Variants in IL1RAPL1 observed in about 807,000 individuals in gnomAD.
IL1RAPL1 encodes interleukin 1 receptor accessory protein like 1.
IL1RAPL1 carries 3 observed loss-of-function variants against 48.4 expected under a neutral mutation model. That is an observed-to-expected ratio of 0.06 (90% confidence interval 0.03 to 0.16). The LOEUF is 0.16. Ranked by LOEUF, IL1RAPL1 falls within the 10% of genes least tolerant of loss-of-function variation. IL1RAPL1 has a pLI of 1.00. For synonymous variants in IL1RAPL1, 185 were observed against 187.7 expected, an observed-to-expected ratio of 0.99 and a Z score of 0.12; for missense variants, 349 against 530.6, an observed-to-expected ratio of 0.66 and a Z score of 3.36.
At chrX:29,912,924 C>T (rs1932768503) in intron 6 of IL1RAPL1, among the ~76,000 whole-genome samples, 1 of 111,949 alleles carries the variant, frequency 8.9e-6, no homozygotes, top group South Asian at 3.7e-4. Context: ...CTCCACCCTG[C>T]TCCATGAATT....
intron 5 of IL1RAPL1, among the ~76,000 whole-genome samples, chrX:29,611,362 C>T (rs747274956): frequency 3.6e-5 from 4 of 112,070 alleles, no homozygotes; most frequent in African/African-American, 9.7e-5. Flanking sequence ...TAAACTCAAC[C>T]AATTGTCATT....
At chrX:28,913,656 A>T (rs191321726) in intron 2 of IL1RAPL1, among the ~76,000 whole-genome samples, 51 of 111,443 alleles carry the variant, frequency 4.6e-4, no homozygotes, top group African/African-American at 1.6e-3. Context: ...GCATCATTGC[A>T]CTCCAGCCTG....
chrX:29,147,126 A>G (rs745868511), intron 2 of IL1RAPL1, among the ~76,000 whole-genome samples: 1 of 112,324 alleles, frequency 8.9e-6, no homozygotes, highest in Non-Finnish European at 1.9e-5. Context: ...CCTTCCCATA[A>G]GCAGACCTGC....
intron 5 of IL1RAPL1, among the ~76,000 whole-genome samples, chrX:29,404,834 C>T (rs1482140206): frequency 8.9e-6 from 1 of 111,953 alleles, no homozygotes; most frequent in Non-Finnish European, 1.9e-5. Context: ...CCTTAGTTTT[C>T]ATTTATCAGA....
At chrX:29,407,789 T>G (rs1018335635) in intron 5 of IL1RAPL1, among the ~76,000 whole-genome samples, 1 of 112,057 alleles carries the variant, frequency 8.9e-6, no homozygotes, top group African/African-American at 3.2e-5. Context: ...CCAAAGAAAG[T>G]TGGAGGTGCC....
At position 29,044,630 on chromosome X, in the gene IL1RAPL1, A is replaced by C. The variant is rs545026452; in HGVS notation, c.83-238308A>C. On this transcript the variant is annotated intron_variant, in intron 2 of 10. Transcript: ENST00000378993. ...ATGTTCTTTTGTATTTGCAGATCTT[A>C]TTTCTTCAGAGTAATGGAAAATCCT... is the stretch of plus-strand genomic sequence containing the variant. 1.3e-4 allele frequency among the ~76,000 whole-genome samples: 14 copies of C among 110,735 alleles called. No homozygotes were observed. The Admixed American group carries it at 1.4e-3, about 11-fold the overall frequency.
chrX:29,130,388 C>T (rs1055662541), intron 2 of IL1RAPL1, among the ~76,000 whole-genome samples: 1 of 111,562 alleles, frequency 9.0e-6, no homozygotes, highest in South Asian at 3.7e-4. Flanking sequence ...TATGTTGATC[C>T]GATGACAAAG....
At chrX:29,326,534 G>A (rs7054274) in intron 3 of IL1RAPL1, among the ~76,000 whole-genome samples, 4,216 of 111,823 alleles carry the variant, frequency 0.038, 167 homozygotes, top group African/African-American at 0.12. Context: ...AATAATACCT[G>A]AAAAAGTAAT....
chrX:29,916,660 G>A (rs1334245655), intron 6 of IL1RAPL1, among the ~76,000 whole-genome samples: 2 of 111,606 alleles, frequency 1.8e-5, no homozygotes, highest in Non-Finnish European at 1.9e-5. Context: ...GAGTAAACCA[G>A]GTGCTTGTAA....
intron 8 of IL1RAPL1, among the ~76,000 whole-genome samples, chrX:29,925,871 C>G (rs749470432): frequency 7.1e-5 from 8 of 112,372 alleles, no homozygotes; most frequent in Non-Finnish European, 1.5e-4. Context: ...GATATTCCAA[C>G]AAGGCTATTG....
At position 29,668,476 on chromosome X, in the gene IL1RAPL1, T is replaced by G. The variant is rs1402973430; in HGVS notation, c.750T>G (p.Ser250Arg). 1 of 1,208,430 alleles carries G rather than the reference T, an allele frequency of 8.3e-7. No homozygotes were observed. The highest frequency in any genetic ancestry group is 1.1e-6 in the Non-Finnish European group (1 of 892,483). ...KPPKLLYPME[S>R]KLTIQETQLG... Reference sequence around the variant, plus strand: ...CCAAGCTTTTGTATCCTATGGAAAGTAAACTGACAATTCAGGAGACCCAGC... The same window carrying G: ...CCAAGCTTTTGTATCCTATGGAAAGGAAACTGACAATTCAGGAGACCCAGC... The change falls in exon 6 of 11, where the codon AGT (serine) becomes AGG (arginine). Residue 250 changes from serine (S) to arginine (R), a missense_variant. This residue lies in a region of IL1RAPL1 where 238 missense variants were observed against 337.8 expected (regional missense o/e 0.70). Transcript: ENST00000378993.
intron 1 of IL1RAPL1, among the ~76,000 whole-genome samples, chrX:28,611,742 T>G (rs1387048646): frequency 1.8e-5 from 2 of 112,985 alleles, no homozygotes; most frequent in Non-Finnish European, 3.7e-5. Flanking sequence ...GTTTTAATTT[T>G]GTTTCTTGGT....
At chrX:28,925,149 G>T (rs181085059) in intron 2 of IL1RAPL1, among the ~76,000 whole-genome samples, 1 of 111,314 alleles carries the variant, frequency 9.0e-6, no homozygotes, top group South Asian at 3.7e-4. Context: ...AATTTTTATC[G>T]CATTTTAAGT....
At chrX:28,813,568 A>G (rs1273062025) in intron 2 of IL1RAPL1, among the ~76,000 whole-genome samples, 2 of 111,151 alleles carry the variant, frequency 1.8e-5, no homozygotes, top group African/African-American at 6.5e-5. Flanking sequence ...AATGTGACTC[A>G]GGTCATATAT....
chrX:29,678,447 C>T (rs1243724407), intron 6 of IL1RAPL1, among the ~76,000 whole-genome samples: 2 of 102,487 alleles, frequency 2.0e-5, no homozygotes, highest in African/African-American at 3.6e-5. Context: ...CTCCGCCTCC[C>T]GGGTTCACGC....
chrX:29,181,391 G>T (rs1293634201), intron 2 of IL1RAPL1, among the ~76,000 whole-genome samples: 2 of 111,769 alleles, frequency 1.8e-5, no homozygotes, highest in Non-Finnish European at 3.8e-5. Context: ...AGAACATTAT[G>T]ATTCAGCATC....
At chrX:28,676,549 G>A (rs999069271) in intron 1 of IL1RAPL1, among the ~76,000 whole-genome samples, 19 of 110,872 alleles carry the variant, frequency 1.7e-4, no homozygotes, top group Admixed American at 7.7e-4. Context: ...CCTGGCCAAC[G>A]TGGCGAAACC....
chrX:29,956,143 G>T lies in IL1RAPL1; in HGVS notation c.*323G>T. 1 of 251,307 alleles carries T rather than the reference G, an allele frequency of 4.0e-6. No individual in the cohort carries two copies. The highest frequency in any genetic ancestry group is 7.0e-6 in the Non-Finnish European group (1 of 142,819). 20.7% of individuals were successfully genotyped at this position (251,307 alleles called of 1,213,427 possible). ...TGCTTCATTAGTTTAGTTTTAGAAT[G>T]GGTTTTTATTTTATTTCCTTTTTTA... On this transcript the variant is annotated 3_prime_UTR_variant, in exon 11 of 11. Coordinates refer to ENST00000378993, the MANE Select transcript of IL1RAPL1 (RefSeq NM_014271.4).
chrX:28,857,473 G>T (rs9697910), intron 2 of IL1RAPL1, among the ~76,000 whole-genome samples: 2,966 of 111,419 alleles, frequency 0.027, 86 homozygotes, highest in African/African-American at 0.092. Context: ...TGCCTTTCTT[G>T]TCAGGTGCTA....
Sources: gnomAD v4.1 joint callset for allele counts (sites outside exome capture counted in the v4.1 genomes callset) on GRCh38, gnomAD v4.1.1 for gene constraint, gnomAD v4.1.1 regional missense constraint, MANE v1.5 for transcripts, NCBI Gene and HGNC (gene_info 2026-07-23, HGNC 2026-07-21) for gene names.